QRICH1: variants seen among roughly 807,000 people sequenced by gnomAD.
QRICH1 encodes transcriptional regulator QRICH1.
QRICH1 carries 16 observed loss-of-function variants against 87.1 expected under a neutral mutation model. That is an observed-to-expected ratio of 0.18 (90% CI 0.12 to 0.28). QRICH1 has a LOEUF of 0.28. Among genes scored for constraint, QRICH1 ranks in the 10% least tolerant of loss-of-function variants. The pLI, the probability that QRICH1 is intolerant of heterozygous loss-of-function variation, is 1.00. For synonymous variants in QRICH1, 367 were observed against 368.4 expected, an observed-to-expected ratio of 1.00 and a Z score of 0.05; for missense variants, 647 against 951.7, an observed-to-expected ratio of 0.68 and a Z score of 4.21.
chr3:49,039,618 CAAAAAAAA>C (rs899570014), intron 6 of QRICH1, among the ~76,000 whole-genome samples: 2 of 16,352 alleles, frequency 1.2e-4, no homozygotes, highest in African/African-American at 5.6e-4. Flanking sequence ...GACTCCATCT[CAAAAAAAA>C]AAAAAAAAAA....
At chr3:49,074,731 C>G (rs2041914055) in intron 2 of QRICH1, among the ~76,000 whole-genome samples, 2 of 152,042 alleles carry the variant, frequency 1.3e-5, no homozygotes, top group Admixed American at 6.6e-5. Flanking sequence ...GTAATCCCAG[C>G]ACTTTGGGAG....
At chr3:49,032,572 G>A (rs1459326270) in intron 8 of QRICH1, 50 bp downstream of exon 8, 2 of 1,515,130 alleles carry the variant, frequency 1.3e-6, no homozygotes, top group Non-Finnish European at 8.9e-7. Context: ...GGGCAGGACA[G>A]GGCAGGACAA....
chr3:49,087,650 C>G (rs1225027038), intron 1 of QRICH1, among the ~76,000 whole-genome samples: 2 of 150,848 alleles, frequency 1.3e-5, no homozygotes, highest in African/African-American at 2.4e-5. Flanking sequence ...CCGAGTCGGG[C>G]ATATCACGAG....
intron 5 of QRICH1, among the ~76,000 whole-genome samples, chr3:49,045,887 C>T (rs1307476288): frequency 6.6e-6 from 1 of 151,486 alleles, no homozygotes; most frequent in African/African-American, 2.4e-5. Flanking sequence ...AGACATCTTG[C>T]CTGGCTCTTA....
intron 1 of QRICH1, among the ~76,000 whole-genome samples, chr3:49,087,818 C>CAAAAAATAAAAA (rs2042195618): frequency 2.1e-5 from 1 of 47,676 alleles, no homozygotes; most frequent in Non-Finnish European, 3.4e-5. Flanking sequence ...AGGTTCATCT[C>CAAAAAATAAAAA]AAAAAAAAAA....
chr3:49,033,849 T>C (rs969708769), intron 6 of QRICH1: 1 of 152,000 alleles, frequency 6.6e-6, no homozygotes, highest in Non-Finnish European at 1.5e-5. Flanking sequence ...TAGCCGGGTG[T>C]GGTGGCGGGC....
At chr3:49,047,505 C>T (rs1400186904) in intron 3 of QRICH1, among the ~76,000 whole-genome samples, 4 of 119,898 alleles carry the variant, frequency 3.3e-5, no homozygotes, top group Admixed American at 1.0e-4. Context: ...TTTTTTGAGA[C>T]GGAGTTTTCC....
At chr3:49,051,404 ATGCTT>A (rs531452089) in intron 3 of QRICH1, among the ~76,000 whole-genome samples, 1 of 151,962 alleles carries the variant, frequency 6.6e-6, no homozygotes, top group East Asian at 1.9e-4. Flanking sequence ...ATTTCTCTGT[ATGCTT>A]TGGGTTTTTC....
intron 6 of QRICH1, among the ~76,000 whole-genome samples, chr3:49,038,312 C>T (rs1273604359): frequency 6.6e-6 from 1 of 152,018 alleles, no homozygotes; most frequent in Admixed American, 6.6e-5. Context: ...CCACCCGCTT[C>T]GGCCTCCCAA....
intron 6 of QRICH1, among the ~76,000 whole-genome samples, chr3:49,034,330 T>G (rs1046490309): frequency 2.6e-5 from 4 of 151,314 alleles, no homozygotes; most frequent in Non-Finnish European, 5.9e-5. Context: ...TGATCCCAGC[T>G]ACCAGGGAGG....
chr3:49,035,573 T>C (rs2093269480), intron 6 of QRICH1, among the ~76,000 whole-genome samples: 1 of 151,110 alleles, frequency 6.6e-6, no homozygotes, highest in South Asian at 2.1e-4. Flanking sequence ...GAAGCCAAGG[T>C]AGGAGGACTG....
intron 1 of QRICH1, among the ~76,000 whole-genome samples, chr3:49,084,401 A>G (rs1020656480): frequency 3.3e-5 from 5 of 151,498 alleles, no homozygotes; most frequent in African/African-American, 9.7e-5. Flanking sequence ...GATTACGGGC[A>G]CCCGCCACCA....
chr3:49,063,418 G>T (rs1256796343), intron 2 of QRICH1, among the ~76,000 whole-genome samples: 1 of 152,192 alleles, frequency 6.6e-6, no homozygotes, highest in African/African-American at 2.4e-5. Context: ...AAGAACTAGG[G>T]CTATATGCCA....
intron 3 of QRICH1, among the ~76,000 whole-genome samples, chr3:49,053,023 T>C (rs1280508777): frequency 2.0e-5 from 3 of 152,082 alleles, no homozygotes; most frequent in Non-Finnish European, 4.4e-5. Context: ...CTGAAAACCA[T>C]GGCAATGGAA....
chr3:49,091,953 TC>T (rs1418552943), intron 1 of QRICH1, among the ~76,000 whole-genome samples: 1 of 151,710 alleles, frequency 6.6e-6, no homozygotes, highest in Non-Finnish European at 1.5e-5. Flanking sequence ...ATGCCTGTAA[TC>T]CCAGTTACTT....
At chr3:49,056,337 A>G (rs1000928257) in intron 3 of QRICH1, among the ~76,000 whole-genome samples, 5 of 152,156 alleles carry the variant, frequency 3.3e-5, no homozygotes, top group East Asian at 1.9e-4. Context: ...AAGCCTCCCA[A>G]TGGTGATCAC....
rs758849907 is a variant in QRICH1 at position 49,057,517 on chromosome 3, G to A, written c.683C>T (p.Ser228Leu). ...AACCCGCCGCTCCCCTTCCCGGGGT[G>A]AGCCCTGCTGGGATGGTGGTGGGGA... ...ALSPPPSQQG[S>L]PREGERRVGT... Residue 228 changes from serine to leucine, a missense_variant, in exon 3 of 10, where the codon TCA becomes TTA. By Grantham distance (145) the Ser-to-Leu change is moderately radical (BLOSUM62 -2). Around this residue, in one of 7 missense-constraint regions of QRICH1, gnomAD observed 156 missense variants for 164.5 expected, o/e 0.95. Coordinates refer to ENST00000395443, the MANE Select transcript of QRICH1 (RefSeq NM_198880.3). The surrounding 1 kb of genome is among the most constrained non-coding windows in gnomAD (Gnocchi z 5.4). 13 of 1,613,492 alleles carry A rather than the reference G, an allele frequency of 8.1e-6. No homozygotes were observed. Among genetic ancestry groups the A allele is most frequent in the Non-Finnish European group, 1.0e-5 (12 of 1,179,624 alleles).
At chr3:49,064,755 C>T (rs921852389) in intron 2 of QRICH1, among the ~76,000 whole-genome samples, 1 of 152,074 alleles carries the variant, frequency 6.6e-6, no homozygotes, top group Non-Finnish European at 1.5e-5. Context: ...GTGGCTCATG[C>T]GTATAATCTC....
chr3:49,053,382 G>T (rs368758060), intron 3 of QRICH1, among the ~76,000 whole-genome samples: 6 of 151,614 alleles, frequency 4.0e-5, no homozygotes, highest in African/African-American at 1.2e-4. Context: ...CAGCTACTCG[G>T]GAGGCTGAGG....
Sources: gnomAD v4.1 joint callset for allele counts (sites outside exome capture counted in the v4.1 genomes callset) on GRCh38, gnomAD v4.1.1 for gene constraint, gnomAD v4.1.1 regional missense constraint, Gnocchi (gnomAD v3.1) non-coding constraint, MANE v1.5 for transcripts, NCBI Gene and HGNC (gene_info 2026-07-23, HGNC 2026-07-21) for gene names.